GLT1D1: variants seen among roughly 807,000 people sequenced by gnomAD.
GLT1D1 encodes the protein glycosyltransferase 1 domain-containing protein 1.
Under a neutral mutation model 28.7 loss-of-function variants are expected in GLT1D1, and 21 were observed. The observed-to-expected ratio is 0.73, with a 90% confidence interval of 0.52 to 1.05. The LOEUF is 1.05. Among genes scored for constraint, GLT1D1 ranks in the 50% least tolerant of loss-of-function variants. The pLI is 0.00. For synonymous variants in GLT1D1, 147 were observed against 124.8 expected, an observed-to-expected ratio of 1.18 and a Z score of -1.19; for missense variants, 343 against 330.6, an observed-to-expected ratio of 1.04 and a Z score of -0.29.
At chr12:128,876,523 C>T (rs563165884) in intron 2 of GLT1D1, among the ~76,000 whole-genome samples, 38 of 151,958 alleles carry the variant, frequency 2.5e-4, no homozygotes, top group African/African-American at 7.7e-4. Context: ...CCCTTGTTGC[C>T]CAGGCTGGTC....
chr12:128,923,528 C>CTT (rs547430064), intron 4 of GLT1D1, among the ~76,000 whole-genome samples: 1 of 144,590 alleles, frequency 6.9e-6, no homozygotes, highest in Admixed American at 6.9e-5. Context: ...TTTTTCTTTT[C>CTT]TTTTTTTTTT....
intron 6 of GLT1D1, among the ~76,000 whole-genome samples, chr12:128,956,005 A>G (rs1476479167): frequency 6.6e-6 from 1 of 151,428 alleles, no homozygotes; most frequent in Non-Finnish European, 1.5e-5. Context: ...TAAAAGTACA[A>G]AAAATTAGCC....
intron 7 of GLT1D1, among the ~76,000 whole-genome samples, chr12:128,972,488 C>A (rs183072140): frequency 6.6e-6 from 1 of 151,014 alleles, no homozygotes; most frequent in Non-Finnish European, 1.5e-5. Flanking sequence ...AACCGGGGAG[C>A]AACTGTGTGA....
chr12:128,908,779 C>G (rs1191261982), intron 4 of GLT1D1, among the ~76,000 whole-genome samples: 2 of 152,028 alleles, frequency 1.3e-5, no homozygotes, highest in South Asian at 4.2e-4. Context: ...GAAACCCCGT[C>G]TCTACTAAAA....
chr12:128,908,361 T>TC (rs1555266883), intron 4 of GLT1D1, among the ~76,000 whole-genome samples: 1 of 119,920 alleles, frequency 8.3e-6, no homozygotes, highest in Non-Finnish European at 1.9e-5. Flanking sequence ...TCTTTCTTTC[T>TC]TTTCTTTCTT....
chr12:128,946,381 C>T (rs1024583060), intron 5 of GLT1D1, among the ~76,000 whole-genome samples: 14 of 152,128 alleles, frequency 9.2e-5, no homozygotes, highest in Non-Finnish European at 2.1e-4. Flanking sequence ...GAGTTTCGCT[C>T]TGTCGCTCAG....
At chr12:128,874,836 G>T (rs73438360) in intron 1 of GLT1D1, among the ~76,000 whole-genome samples, 1 of 152,006 alleles carries the variant, frequency 6.6e-6, no homozygotes, top group South Asian at 2.1e-4. Context: ...ATTGATTTAC[G>T]AATGCTCTTT....
intron 4 of GLT1D1, among the ~76,000 whole-genome samples, chr12:128,926,827 C>T (rs1873272263): frequency 6.6e-6 from 1 of 152,086 alleles, no homozygotes; most frequent in Admixed American, 6.5e-5. Flanking sequence ...TTCCAAAGTC[C>T]ACATTGAATT....
At chr12:128,885,837 G>A (rs151090839) in intron 2 of GLT1D1, among the ~76,000 whole-genome samples, 157 of 152,278 alleles carry the variant, frequency 1.0e-3, no homozygotes, top group Middle Eastern at 3.4e-3. Context: ...CACTGAAAAC[G>A]ACTCTCCCAC....
intron 4 of GLT1D1, among the ~76,000 whole-genome samples, chr12:128,943,344 C>T (rs1010326905): frequency 6.6e-6 from 1 of 151,204 alleles, no homozygotes; most frequent in Non-Finnish European, 1.5e-5. Context: ...CACAGGTTTT[C>T]TCTTTTCTCT....
At chr12:128,923,690 T>G (rs1033668528) in intron 4 of GLT1D1, among the ~76,000 whole-genome samples, 8 of 151,916 alleles carry the variant, frequency 5.3e-5, no homozygotes, top group Admixed American at 4.6e-4. Context: ...GCCAGCTAAT[T>G]TTTGTATTTT....
At chr12:128,944,486 C>A (rs1325575228) in intron 4 of GLT1D1, 1 of 1,203,540 alleles carries the variant, frequency 8.3e-7, no homozygotes, top group African/African-American at 1.5e-5. Context: ...ATGAGCGGCT[C>A]CCCTGTCAGA....
chr12:128,937,342 A>T (rs185052467), intron 4 of GLT1D1, among the ~76,000 whole-genome samples: 12 of 152,302 alleles, frequency 7.9e-5, no homozygotes, highest in Non-Finnish European at 1.8e-4. Context: ...TGCAGATCTT[A>T]TGAGCATAGA....
At chr12:128,856,970 A>G (rs1956240268) in intron 1 of GLT1D1, among the ~76,000 whole-genome samples, 1 of 152,230 alleles carries the variant, frequency 6.6e-6, no homozygotes, top group African/African-American at 2.4e-5. Flanking sequence ...TTTCAAAAAC[A>G]GAAAAGAAAA....
intron 2 of GLT1D1, among the ~76,000 whole-genome samples, chr12:128,878,324 T>G (rs1421959136): frequency 6.6e-6 from 1 of 152,226 alleles, no homozygotes; most frequent in East Asian, 1.9e-4. Context: ...TAGTGGCACA[T>G]ACATAGATCT....
At chr12:128,881,534 GAAAAA>G (rs1161429342) in intron 2 of GLT1D1, among the ~76,000 whole-genome samples, 5 of 23,912 alleles carry the variant, frequency 2.1e-4, no homozygotes, top group African/African-American at 4.8e-4. Flanking sequence ...ACTCTGTATC[GAAAAA>G]AAAAAAAAAA....
At chr12:128,932,694 G>A (rs1279695370) in intron 4 of GLT1D1, among the ~76,000 whole-genome samples, 1 of 152,112 alleles carries the variant, frequency 6.6e-6, no homozygotes, top group African/African-American at 2.4e-5. Flanking sequence ...CTGAAACCGC[G>A]GCTCCCACAT....
Position 128,899,260 on chromosome 12 carries a change from A to C in GLT1D1, c.348A>C (p.Ser116=), listed in dbSNP as rs2135852634. 6.2e-7 allele frequency: 1 copy of C among 1,613,566 alleles called. No individual in the cohort carries two copies. The highest frequency in any genetic ancestry group is 1.1e-5 in the South Asian group (1 of 91,076). ...GATTTGCTGTCGCTTTCACAGAGTC[A>C]ATGAAGGAAATGGCACAAGCGCAGT... Residue 116 remains serine, a synonymous_variant, in exon 4 of 8, where the codon TCA becomes TCC. Transcript: ENST00000281703.
chr12:128,974,858 G>T (rs541700184), intron 7 of GLT1D1, among the ~76,000 whole-genome samples: 13 of 152,212 alleles, frequency 8.5e-5, no homozygotes, highest in East Asian at 3.9e-4. Flanking sequence ...ATTTCTGGCT[G>T]GATCCTGACC....
Sources: allele counts gnomAD v4.1 joint callset (sites outside exome capture counted in the v4.1 genomes callset), GRCh38; gene constraint gnomAD v4.1.1; transcripts MANE v1.5; gene names NCBI Gene and HGNC (gene_info 2026-07-23, HGNC 2026-07-21).